The following RXFP2 variants were observed in gnomAD, a reference collection of about 807,000 sequenced individuals.
The protein encoded by RXFP2 is relaxin receptor 2.
A neutral mutation model predicts 88.6 loss-of-function variants in RXFP2; 68 were observed. The ratio of observed to expected loss-of-function variants is 0.77; its 90% CI spans 0.63 to 0.94. RXFP2 has a LOEUF of 0.94. RXFP2 is among the 40% of genes least tolerant of loss of function. The pLI is 0.00. For synonymous variants in RXFP2, 329 were observed against 306.8 expected, an observed-to-expected ratio of 1.07 and a Z score of -0.76; for missense variants, 791 against 893.9, an observed-to-expected ratio of 0.88 and a Z score of 1.47.
intron 5 of RXFP2, among the ~76,000 whole-genome samples, chr13:31,773,459 T>C (rs560869215): frequency 6.6e-6 from 1 of 152,302 alleles, no homozygotes; most frequent in Admixed American, 6.5e-5. Context: ...TTATTTACTT[T>C]CACTTTCTTT....
At chr13:31,763,287 G>C (rs1872389775) in intron 3 of RXFP2, among the ~76,000 whole-genome samples, 1 of 151,976 alleles carries the variant, frequency 6.6e-6, no homozygotes, top group Non-Finnish European at 1.5e-5. Flanking sequence ...GTCTTACCAT[G>C]TTGCCCAGGC....
At chr13:31,760,759 A>G (rs1258597961) in intron 2 of RXFP2, among the ~76,000 whole-genome samples, 1 of 152,248 alleles carries the variant, frequency 6.6e-6, no homozygotes, top group African/African-American at 2.4e-5. Context: ...GAACTTCAGT[A>G]TCTTACATTA....
rs574570864 is a variant in RXFP2, at chr13:31,766,539, G to A, written c.497+512G>A. On this transcript the variant is annotated intron_variant, in intron 5 of 17. Transcript: ENST00000298386. ...ATATGATCAGCAGAGAAGGTATTCT[G>A]TGACAAAGAAGGGCCAATATGCTTC... 1.4e-3 allele frequency among the ~76,000 whole-genome samples: 217 copies of A among 152,294 alleles called. 2 individuals are homozygous for A. Among genetic ancestry groups the A allele is most frequent in the African/African-American group, 5.0e-3 (208 of 41,556 alleles).
intron 13 of RXFP2, among the ~76,000 whole-genome samples, chr13:31,788,223 A>T (rs567778611): frequency 1.3e-5 from 2 of 152,332 alleles, no homozygotes; most frequent in Admixed American, 1.3e-4. Flanking sequence ...GTAGTATAAC[A>T]GCTTTCCCAG....
At chr13:31,754,789 A>G (rs931226940) in intron 1 of RXFP2, among the ~76,000 whole-genome samples, 3 of 152,232 alleles carry the variant, frequency 2.0e-5, no homozygotes, top group African/African-American at 7.2e-5. Flanking sequence ...TAAAAATCAT[A>G]CATGTGATAT....
intron 1 of RXFP2, among the ~76,000 whole-genome samples, chr13:31,749,312 C>G (rs1871562655): frequency 6.6e-6 from 1 of 152,128 alleles, no homozygotes; most frequent in Admixed American, 6.5e-5. Context: ...ATCTTTCCAC[C>G]AACATCACAC....
chr13:31,758,353 C>T lies in RXFP2; in HGVS notation c.190C>T (p.His64Tyr). The change falls in exon 2 of 18, where the codon CAC becomes TAC. Residue 64 changes from histidine (H) to tyrosine (Y), a missense_variant. Coordinates refer to ENST00000298386, the MANE Select transcript of RXFP2 (RefSeq NM_130806.5). ...TACCAAGTGCTTACCCCGAGCTTTT[C>T]ACTGTGATGGCAAGGATGACTGTGG... ...NLTKCLPRAF[H>Y]CDGKDDCGNG... 1.2e-6 allele frequency: 2 copies of T among 1,614,154 alleles called. No homozygotes were observed. Among genetic ancestry groups the T allele is most frequent in the Non-Finnish European group, 1.7e-6 (2 of 1,180,014 alleles).
chr13:31,758,817 C>A (rs1872102851), intron 2 of RXFP2, among the ~76,000 whole-genome samples: 1 of 152,054 alleles, frequency 6.6e-6, no homozygotes, highest in Admixed American at 6.6e-5. Flanking sequence ...GCAGGTGGCT[C>A]ACCTGAGGTC....
At chr13:31,787,956 C>A (rs1018271276) in intron 13 of RXFP2, among the ~76,000 whole-genome samples, 9 of 152,026 alleles carry the variant, frequency 5.9e-5, no homozygotes, top group African/African-American at 2.2e-4. Context: ...TTCTTTTTTT[C>A]CTGTGATTCA....
At chr13:31,746,555 A>C (rs1314133196) in intron 1 of RXFP2, among the ~76,000 whole-genome samples, 1 of 152,214 alleles carries the variant, frequency 6.6e-6, no homozygotes, top group Non-Finnish European at 1.5e-5. Flanking sequence ...AAGAGAAATT[A>C]ATAAACTCAT....
At chr13:31,757,374 T>C (rs113882353) in intron 1 of RXFP2, among the ~76,000 whole-genome samples, 118 of 152,200 alleles carry the variant, frequency 7.8e-4, no homozygotes, top group Admixed American at 1.5e-3. Flanking sequence ...AAGGATAATA[T>C]CGCCCATACA....
At position 31,791,910 on chromosome 13, in the gene RXFP2, T is replaced by A; in HGVS notation, c.1250T>A (p.Ile417Asn). 1.2e-6 allele frequency: 2 copies of A among 1,614,160 alleles called. No individual in the cohort carries two copies. The highest frequency in any genetic ancestry group is 1.1e-5 in the South Asian group (1 of 91,084). The change falls in exon 15 of 18, where the codon ATC becomes AAC. Residue 417 changes from isoleucine (I) to asparagine (N), a missense_variant. Ile to Asn is a moderately radical substitution (Grantham distance 149). Coordinates refer to ENST00000298386, the MANE Select transcript of RXFP2 (RefSeq NM_130806.5). Reference sequence around the variant, plus strand: ...TTTGAGGACCTCTTGGCTAACAATATCCTCAGAATATTTGTCTGGGTTATA... The same window carrying A: ...TTTGAGGACCTCTTGGCTAACAATAACCTCAGAATATTTGTCTGGGTTATA... ...SSFEDLLANN[I>N]LRIFVWVIAF...
chr13:31,763,206 T>C (rs1225977888), intron 3 of RXFP2, among the ~76,000 whole-genome samples: 1 of 150,920 alleles, frequency 6.6e-6, no homozygotes, highest in Non-Finnish European at 1.5e-5. Context: ...CAACTCAGCC[T>C]CCTGAGTAGC....
chr13:31,788,484 C>A (rs917932487), intron 13 of RXFP2, among the ~76,000 whole-genome samples: 4 of 152,128 alleles, frequency 2.6e-5, no homozygotes, highest in African/African-American at 9.7e-5. Context: ...TTTGTAGAAG[C>A]AAGCATTGAG....
chr13:31,750,876 AAATTT>A (rs1187757858), intron 1 of RXFP2, among the ~76,000 whole-genome samples: 1 of 152,224 alleles, frequency 6.6e-6, no homozygotes, highest in Non-Finnish European at 1.5e-5. Flanking sequence ...TTCTTCTGAG[AAATTT>A]AATTGTGAAG....
At chr13:31,764,370 G>A (rs983875410) in intron 3 of RXFP2, among the ~76,000 whole-genome samples, 4 of 151,660 alleles carry the variant, frequency 2.6e-5, no homozygotes, top group Non-Finnish European at 4.4e-5. Context: ...TAGTAACTAC[G>A]TAAGTCCCTT....
Position 31,758,543 on chromosome 13 carries a change from T to G in RXFP2, c.241+139T>G, listed in dbSNP as rs1571312. 4.2e-6 allele frequency: 4 copies of G among 960,932 alleles called. No homozygotes were observed. The South Asian group carries it at 6.3e-5, about 15-fold the overall frequency. The allele number at this position is 960,932 out of a possible 1,614,324, so 59.5% of individuals were successfully genotyped here. A position where few individuals can be genotyped will look rare whatever the true frequency, so the allele number is the denominator to read the frequency against. On this transcript the variant is annotated intron_variant, in intron 2 of 17. Coordinates refer to ENST00000298386, the MANE Select transcript of RXFP2 (RefSeq NM_130806.5). ...GGGATTTCCTTTGAAACACAAATAA[T>G]GACTCCCCAATGTATTTGTGATAAC... is the stretch of plus-strand genomic sequence containing the variant.
chr13:31,747,287 A>G (rs1871464114), intron 1 of RXFP2, among the ~76,000 whole-genome samples: 1 of 152,228 alleles, frequency 6.6e-6, no homozygotes, highest in East Asian at 1.9e-4. Context: ...AAAAATTAAG[A>G]GAGGCCCTTT....
intron 7 of RXFP2, among the ~76,000 whole-genome samples, chr13:31,776,142 C>CTTTCTT (rs374300794): frequency 2.2e-4 from 18 of 80,718 alleles, no homozygotes; most frequent in African/African-American, 6.8e-4. Flanking sequence ...TTCTTTCTTT[C>CTTTCTT]TCTTTCTCTC....
Sources: gnomAD v4.1 joint callset for allele counts (sites outside exome capture counted in the v4.1 genomes callset) on GRCh38, gnomAD v4.1.1 for gene constraint, MANE v1.5 for transcripts, NCBI Gene and HGNC (gene_info 2026-07-23, HGNC 2026-07-21) for gene names.